ZNF609: variants seen among roughly 807,000 people sequenced by gnomAD.
ZNF609 encodes the protein zinc finger protein 609.
ZNF609 carries 11 observed loss-of-function variants against 109.5 expected under a neutral mutation model. The observed-to-expected ratio is 0.10, with a 90% CI of 0.06 to 0.17. The LOEUF (loss-of-function observed/expected upper bound fraction) is 0.17, where lower values mean the gene tolerates loss of function less well. Ranked by LOEUF, ZNF609 falls within the 10% of genes least tolerant of loss-of-function variation. The pLI is 1.00. For missense variants in ZNF609, 1,559 were observed against 1,772.4 expected (o/e 0.88, Z 2.16); for synonymous variants, 646 against 662.0 (o/e 0.98, Z 0.37).
intron 2 of ZNF609, among the ~76,000 whole-genome samples, chr15:64,571,372 T>C (rs1427897449): frequency 1.3e-5 from 2 of 152,198 alleles, no homozygotes; most frequent in Non-Finnish European, 2.9e-5. Context: ...AAATGTATTA[T>C]ATGAATAGAT....
At position 64,583,017 on chromosome 15, in the gene ZNF609, C is replaced by T. The variant is rs1443573659; in HGVS notation, c.748-39810C>T. ...TCACCTGCCTCGGCCTTCCAAAGTG[C>T]TGGGATTACAGGCATGAGCCACCAC... On this transcript the variant is annotated intron_variant, in intron 2 of 9. Coordinates refer to ENST00000326648, the MANE Select transcript of ZNF609 (RefSeq NM_015042.2). Among the ~76,000 whole-genome samples, 7 of 151,000 alleles carry T rather than the reference C, an allele frequency of 4.6e-5. No homozygotes were observed. In the East Asian group the frequency reaches 1.4e-3, roughly 30 times the overall value.
intron 2 of ZNF609, among the ~76,000 whole-genome samples, chr15:64,614,980 G>A (rs1036424377): frequency 4.6e-5 from 7 of 151,854 alleles, no homozygotes; most frequent in African/African-American, 1.2e-4. Context: ...CACCACACCC[G>A]GCTAATTTTT....
At chr15:64,500,332 A>G (rs1893543481) in intron 2 of ZNF609, 166 bp downstream of exon 2, 2 of 987,910 alleles carry the variant, frequency 2.0e-6, no homozygotes, top group Non-Finnish European at 3.1e-6. Flanking sequence ...CTTCCAAATT[A>G]GAGGATTCCC....
intron 2 of ZNF609, among the ~76,000 whole-genome samples, chr15:64,519,856 C>A (rs1893865949): frequency 6.6e-6 from 1 of 152,154 alleles, no homozygotes; most frequent in Admixed American, 6.5e-5. Context: ...GGATCTTCTG[C>A]AAATTACCTC....
intron 3 of ZNF609, among the ~76,000 whole-genome samples, chr15:64,662,850 A>G (rs995230217): frequency 1.6e-4 from 25 of 151,780 alleles, no homozygotes; most frequent in African/African-American, 5.6e-4. Context: ...TATTTTTAGT[A>G]AAGATGGGGT....
chr15:64,666,957 C>T (rs111537184), intron 3 of ZNF609, among the ~76,000 whole-genome samples: 7,563 of 152,162 alleles, frequency 0.05, 612 homozygotes, highest in African/African-American at 0.17. Context: ...TAAACCCTGT[C>T]TCTACTAAAA....
chr15:64,672,006 CTTT>C (rs771330218), intron 4 of ZNF609, among the ~76,000 whole-genome samples: 2 of 86,748 alleles, frequency 2.3e-5, no homozygotes, highest in African/African-American at 5.6e-5. Context: ...GAGGCTTAGA[CTTT>C]TTTTTTTTTT....
Position 64,460,591 on chromosome 15 carries a change from CGCGGCGGCG to C in ZNF609, c.-367_-359del, listed in dbSNP as rs567333441. On this transcript the variant is annotated 5_prime_UTR_variant, in exon 1 of 10. Transcript: ENST00000326648. ...CCGGGTGACTCTGGTTGTCCCGGAT[CGCGGCGGCG>C]GCGGCGGTGGCGGCGGCTGAGGGAC... Among the ~76,000 whole-genome samples, 4 of 151,594 alleles carry C rather than the reference CGCGGCGGCG, an allele frequency of 2.6e-5. No individual in the cohort carries two copies. Among genetic ancestry groups the C allele is most frequent in the Admixed American group, 6.6e-5 (1 of 15,238 alleles).
At chr15:64,531,196 C>T (rs1894056023) in intron 2 of ZNF609, among the ~76,000 whole-genome samples, 3 of 152,086 alleles carry the variant, frequency 2.0e-5, no homozygotes, top group Non-Finnish European at 4.4e-5. Context: ...AGATTCACTC[C>T]CTATGTAGTT....
intron 3 of ZNF609, among the ~76,000 whole-genome samples, chr15:64,629,441 A>T (rs1232995167): frequency 6.6e-6 from 1 of 152,212 alleles, no homozygotes; most frequent in Non-Finnish European, 1.5e-5. Context: ...TAAGTAGTCT[A>T]GGGCTGGTAT....
intron 1 of ZNF609, among the ~76,000 whole-genome samples, chr15:64,479,510 C>G (rs1031882741): frequency 4.0e-5 from 6 of 151,810 alleles, no homozygotes; most frequent in African/African-American, 1.5e-4. Flanking sequence ...CCAGGATGGT[C>G]TCTATCTCCT....
chr15:64,474,544 A>G (rs766320613), intron 1 of ZNF609, among the ~76,000 whole-genome samples: 3 of 151,938 alleles, frequency 2.0e-5, no homozygotes, highest in East Asian at 1.9e-4. Context: ...TTCATCTTCT[A>G]TATATTATTG....
At chr15:64,672,717 G>A (rs901066438) in intron 4 of ZNF609, among the ~76,000 whole-genome samples, 1 of 151,356 alleles carries the variant, frequency 6.6e-6, no homozygotes, top group Non-Finnish European at 1.5e-5. Flanking sequence ...TGTAATCTCA[G>A]CACTTTGGGA....
chr15:64,601,903 A>C (rs551092422), intron 2 of ZNF609, among the ~76,000 whole-genome samples: 1 of 152,338 alleles, frequency 6.6e-6, no homozygotes, highest in African/African-American at 2.4e-5. Context: ...AATAAGCTTC[A>C]AAGTCAGACA....
intron 1 of ZNF609, among the ~76,000 whole-genome samples, chr15:64,483,428 C>T (rs1270510816): frequency 2.0e-5 from 3 of 151,940 alleles, no homozygotes; most frequent in African/African-American, 7.3e-5. Context: ...ACCCTGTCAG[C>T]CAGGCTGGAG....
intron 3 of ZNF609, chr15:64,631,752 C>T (rs377632185): frequency 1.5e-4 from 32 of 214,754 alleles, no homozygotes; most frequent in African/African-American, 7.0e-4. Flanking sequence ...CCATGTTGGT[C>T]AGGCTAGTCT....
intron 7 of ZNF609, 41 bp downstream of exon 7, chr15:64,680,401 A>T: frequency 1.2e-6 from 2 of 1,604,086 alleles, no homozygotes; most frequent in South Asian, 2.2e-5. Flanking sequence ...CCCAAAGACT[A>T]GTAAGGCCAG....
At chr15:64,655,780 G>T (rs1389872708) in intron 3 of ZNF609, among the ~76,000 whole-genome samples, 1 of 152,176 alleles carries the variant, frequency 6.6e-6, no homozygotes, top group Non-Finnish European at 1.5e-5. Context: ...AGTGAGCTGA[G>T]ATCACGCCGT....
intron 2 of ZNF609, among the ~76,000 whole-genome samples, chr15:64,610,671 A>G (rs1057438418): frequency 1.3e-5 from 2 of 152,106 alleles, no homozygotes; most frequent in Non-Finnish European, 2.9e-5. Flanking sequence ...TTTTTTTAAG[A>G]ATTTCCATGA....
Sources: allele counts gnomAD v4.1 joint callset (sites outside exome capture counted in the v4.1 genomes callset), GRCh38; gene constraint gnomAD v4.1.1; transcripts MANE v1.5; gene names NCBI Gene and HGNC (gene_info 2026-07-23, HGNC 2026-07-21).